Variants in MCOLN3 observed in about 807,000 individuals in gnomAD.
MCOLN3 encodes the protein mucolipin TRP cation channel 3.
A neutral mutation model predicts 69.4 loss-of-function variants in MCOLN3; 62 were observed. The observed-to-expected ratio is 0.89, with a 90% confidence interval of 0.73 to 1.10. The LOEUF is 1.10. Among genes scored for constraint, MCOLN3 ranks in the 50% least tolerant of loss-of-function variants. The probability of loss-of-function intolerance (pLI) is 0.00; values close to 1 mark genes in which losing one functional copy is unlikely to be tolerated. For missense variants in MCOLN3, 564 were observed against 656.4 expected (o/e 0.86, Z 1.54); for synonymous variants, 183 against 217.0 (o/e 0.84, Z 1.38).
Position 85,018,931 on chromosome 1 carries a change from C to A in MCOLN3, c.*192G>T. 1.9e-6 allele frequency: 1 copy of A among 521,856 alleles called. No homozygotes were observed. Among genetic ancestry groups the A allele is most frequent in the Non-Finnish European group, 3.2e-6 (1 of 308,288 alleles). The allele number at this position is 521,856 out of a possible 1,614,324, so 32.3% of individuals were successfully genotyped here. On this transcript the variant is annotated 3_prime_UTR_variant, in exon 13 of 13. Transcript: ENST00000370589. ...TTCCTCATTAAAGTTTTTTTAAAAA[C>A]AATCCCAGCATAAAGTTGCAAAGAC...
chr1:85,045,268 C>G lies in MCOLN3; in HGVS notation c.93G>C (p.Glu31Asp). The change falls in exon 2 of 13, where the codon GAG (glutamate) becomes GAC (aspartate). Residue 31 changes from glutamate (E) to aspartate (D), a missense_variant. Coordinates refer to ENST00000370589, the MANE Select transcript of MCOLN3 (RefSeq NM_018298.11). ...GCCTCATCTGGTCTTCTAATAGAAG[C>G]TCCTCAGATGGAGATGTTTGCTGGT... Reference protein sequence around the residue: ...NFNQQTSPSEELLLEDQMRRK... With the variant: ...NFNQQTSPSEDLLLEDQMRRK... 2 of 1,614,120 alleles carry G rather than the reference C, an allele frequency of 1.2e-6. No homozygotes were observed. Among genetic ancestry groups the G allele is most frequent in the African/African-American group, 2.7e-5 (2 of 75,048 alleles).
At position 85,029,105 on chromosome 1, in the gene MCOLN3, C is replaced by T. The variant is rs1652372416; in HGVS notation, c.832+1G>A. Reference sequence around the variant, plus strand: ...GAAAACTAGTAATGCGCATCACTTACTTGATCCAGATACATGCCAGTCTTT... The same window carrying T: ...GAAAACTAGTAATGCGCATCACTTATTTGATCCAGATACATGCCAGTCTTT... On this transcript the variant is annotated splice_donor_variant, in intron 7 of 12. Coordinates refer to ENST00000370589, the MANE Select transcript of MCOLN3 (RefSeq NM_018298.11). LOFTEE classifies it high-confidence loss of function. The T allele has an allele frequency of 6.4e-7, 1 of 1,559,462 alleles. No homozygotes were observed. Among genetic ancestry groups the T allele is most frequent in the Non-Finnish European group, 8.8e-7 (1 of 1,131,242 alleles).
At position 85,039,268 on chromosome 1, in the gene MCOLN3, G is replaced by T. The variant is rs146471719; in HGVS notation, c.396+1742C>A. Among the ~76,000 whole-genome samples the T allele has an allele frequency of 1.3e-3, 193 of 152,268 alleles. 1 individual carries two copies. Among genetic ancestry groups the T allele is most frequent in the African/African-American group, 3.5e-3 (147 of 41,562 alleles). ...GTGTCCCTCCAAAGTTCTTATGGTG[G>T]AAATTAAACCCCAATATGATAGTCT... is the stretch of plus-strand genomic sequence containing the variant. On this transcript the variant is annotated intron_variant, in intron 3 of 12. Transcript: ENST00000370589.
chr1:85,032,553 A>C (rs1227683004), intron 6 of MCOLN3, 143 bp downstream of exon 6: 15 of 695,286 alleles, frequency 2.2e-5, no homozygotes, highest in Non-Finnish European at 3.4e-5. Flanking sequence ...ATAGAGCTAG[A>C]TGTATCAATG....
At chr1:85,026,756 C>CAA (rs562109815) in intron 7 of MCOLN3, among the ~76,000 whole-genome samples, 2 of 93,738 alleles carry the variant, frequency 2.1e-5, no homozygotes, top group Non-Finnish European at 2.2e-5. Flanking sequence ...GACTCCATCT[C>CAA]AAAAAAAAAA....
intron 6 of MCOLN3, among the ~76,000 whole-genome samples, chr1:85,031,964 T>C (rs1221229057): frequency 6.6e-6 from 1 of 151,750 alleles, no homozygotes; most frequent in African/African-American, 2.4e-5. Flanking sequence ...TGGTCCCAGC[T>C]ACTCAGGAGG....
intron 6 of MCOLN3, 59 bp from the exon 7 acceptor site, chr1:85,029,264 T>C (rs1652387732): frequency 1.0e-6 from 1 of 1,000,394 alleles, no homozygotes; most frequent in East Asian, 2.4e-5. Context: ...AAGAAACCTC[T>C]ACACATTAAT....
intron 2 of MCOLN3, among the ~76,000 whole-genome samples, chr1:85,044,675 C>A (rs749326464): frequency 6.6e-6 from 1 of 152,206 alleles, no homozygotes; most frequent in Admixed American, 6.5e-5. Flanking sequence ...CACATTCTTC[C>A]ATTGCATGGT....
At chr1:85,024,660 C>T (rs1192406353) in intron 9 of MCOLN3, 5 of 151,988 alleles carry the variant, frequency 3.3e-5, no homozygotes, top group African/African-American at 1.2e-4. Flanking sequence ...ATCTATGAGG[C>T]AGAGACGGTG....
chr1:85,021,070 CTTAA>C lies in MCOLN3; in HGVS notation c.1523_1526del (p.Ile508SerfsTer31), dbSNP rs778038609. ...TACTTATGGCTCTTGATAAACCTAC[CTTAA>C]TTGTTTCGTATGTATCAGTGATCAG... On this transcript the variant is annotated frameshift_variant and splice_region_variant, in exon 12 of 13. Transcript: ENST00000370589. LOFTEE classifies it high-confidence loss of function. The C allele has an allele frequency of 3.7e-6, 6 of 1,603,276 alleles. No homozygotes were observed. The African/African-American group carries it at 5.4e-5, about 14-fold the overall frequency.
intron 11 of MCOLN3, among the ~76,000 whole-genome samples, chr1:85,021,851 T>C (rs1466935784): frequency 2.0e-5 from 3 of 152,180 alleles, no homozygotes; most frequent in East Asian, 1.9e-4. Flanking sequence ...CTTAATTACC[T>C]GATATATTGC....
intron 7 of MCOLN3, 53 bp downstream of exon 7, chr1:85,029,053 C>G (rs1652367849): frequency 8.5e-7 from 1 of 1,183,092 alleles, no homozygotes; most frequent in Non-Finnish European, 1.3e-6. Context: ...TTTTAATAAC[C>G]ATTTTACATT....
In MCOLN3 at chr1:85,032,866, C is replaced by T; in HGVS notation, c.635+6G>A. 4 of 1,614,174 alleles carry T rather than the reference C, an allele frequency of 2.5e-6. No individual in the cohort carries two copies. The highest frequency in any genetic ancestry group is 3.4e-6 in the Non-Finnish European group (4 of 1,179,996). ...CGTAAGTTACACTCCTGTCTGCTCC[C>T]CTCACCTGTGGAAGTCCAGTGTTAA... is the stretch of plus-strand genomic sequence containing the variant. On this transcript the variant is annotated splice_donor_region_variant and intron_variant, in intron 5 of 12. Coordinates refer to ENST00000370589, the MANE Select transcript of MCOLN3 (RefSeq NM_018298.11).
In MCOLN3 at chr1:85,034,243, C is replaced by G. The variant is rs1652693861; in HGVS notation, c.405G>C (p.Gln135His). 6.2e-7 allele frequency: 1 copy of G among 1,614,102 alleles called. No homozygotes were observed. Among genetic ancestry groups the G allele is most frequent in the Non-Finnish European group, 8.5e-7 (1 of 1,179,978 alleles). Residue 135 changes from glutamine to histidine, a missense_variant, in exon 4 of 13, where the codon CAG becomes CAC. Gln to His is a conservative substitution (Grantham distance 24). Transcript: ENST00000370589. Reference protein sequence around the residue: ...QLIFAVNQYLQLYNVSVGNHA... With the variant: ...QLIFAVNQYLHLYNVSVGNHA... ...GATTCCCAACGGAGACATTGTATAGCTGCAAGTACTTCAACCAAAATGAGA... is the reference window on the plus strand; with the variant it reads ...GATTCCCAACGGAGACATTGTATAGGTGCAAGTACTTCAACCAAAATGAGA...
At chr1:85,035,418 A>G (rs920368756) in intron 3 of MCOLN3, among the ~76,000 whole-genome samples, 13 of 152,218 alleles carry the variant, frequency 8.5e-5, no homozygotes, top group Admixed American at 2.0e-4. Context: ...CAATCTGCCT[A>G]CATGATGCCT....
intron 1 of MCOLN3, among the ~76,000 whole-genome samples, chr1:85,045,908 C>T (rs895469809): frequency 6.6e-6 from 1 of 152,180 alleles, no homozygotes; most frequent in Non-Finnish European, 1.5e-5. Flanking sequence ...CATGACTTGA[C>T]GTTTCTGCAA....
chr1:85,022,008 A>G, intron 11 of MCOLN3, 62 bp downstream of exon 11: 1 of 1,555,074 alleles, frequency 6.4e-7, no homozygotes, highest in Non-Finnish European at 8.7e-7. Context: ...AAAAAGGATA[A>G]CAAGCCACTG....
intron 1 of MCOLN3, chr1:85,047,670 C>T (rs1270271160): frequency 6.6e-6 from 1 of 152,252 alleles, no homozygotes; most frequent in East Asian, 1.9e-4. Flanking sequence ...CAGTTGGCGA[C>T]AAAGTTATGC....
intron 9 of MCOLN3, chr1:85,025,390 C>G (rs1443335321): frequency 6.6e-6 from 1 of 151,890 alleles, no homozygotes; most frequent in East Asian, 1.9e-4. Flanking sequence ...TTTGTGGGGA[C>G]AGTTGATTTT....
Sources: allele counts gnomAD v4.1 joint callset (sites outside exome capture counted in the v4.1 genomes callset), GRCh38; gene constraint gnomAD v4.1.1; transcripts MANE v1.5; gene names NCBI Gene and HGNC (gene_info 2026-07-23, HGNC 2026-07-21).